The following KCNT2 variants were observed in gnomAD, a reference collection of about 807,000 sequenced individuals.
The protein encoded by KCNT2 is potassium channel subfamily T member 2.
A neutral mutation model predicts 153.8 loss-of-function variants in KCNT2; 67 were observed. The observed-to-expected ratio is 0.44, with a 90% CI of 0.36 to 0.53. KCNT2 has a LOEUF of 0.53. Ranked by LOEUF, KCNT2 falls within the 20% of genes least tolerant of loss-of-function variation. KCNT2 has a pLI of 0.00. For missense variants in KCNT2, 975 were observed against 1,354.8 expected (o/e 0.72, Z 4.40); for synonymous variants, 500 against 458.8 (o/e 1.09, Z -1.15).
At chr1:196,490,587 G>A (rs888959282) in intron 2 of KCNT2, among the ~76,000 whole-genome samples, 31 of 150,090 alleles carry the variant, frequency 2.1e-4, no homozygotes, top group Admixed American at 1.2e-3. Flanking sequence ...ACACACATAC[G>A]TTTAAAGTTC....
intron 1 of KCNT2, among the ~76,000 whole-genome samples, chr1:196,563,093 C>T (rs897648783): frequency 6.6e-6 from 1 of 151,936 alleles, no homozygotes; most frequent in Non-Finnish European, 1.5e-5. Flanking sequence ...AGTCTTTCCC[C>T]AAAATTGCCA....
intron 1 of KCNT2, among the ~76,000 whole-genome samples, chr1:196,534,874 A>G (rs943902646): frequency 6.6e-6 from 1 of 152,206 alleles, no homozygotes; most frequent in Non-Finnish European, 1.5e-5. Flanking sequence ...AATTCTCAGC[A>G]TCCTCAATTC....
intron 26 of KCNT2, among the ~76,000 whole-genome samples, chr1:196,250,643 G>A (rs1445634203): frequency 6.6e-6 from 1 of 152,032 alleles, no homozygotes; most frequent in Non-Finnish European, 1.5e-5. Flanking sequence ...AAGTTAAAAA[G>A]CTTATTCACA....
chr1:196,457,026 T>A (rs1676730917), intron 8 of KCNT2, among the ~76,000 whole-genome samples: 1 of 151,878 alleles, frequency 6.6e-6, no homozygotes, highest in Non-Finnish European at 1.5e-5. Flanking sequence ...GAGATCCCAA[T>A]CAAAAAGTGA....
intron 1 of KCNT2, among the ~76,000 whole-genome samples, chr1:196,569,064 C>A (rs1389694060): frequency 2.6e-5 from 4 of 152,052 alleles, no homozygotes. Context: ...GGATTTCCAT[C>A]CTTTTCTTGA....
At chr1:196,535,740 C>CG (rs1216625997) in intron 1 of KCNT2, among the ~76,000 whole-genome samples, 1 of 152,192 alleles carries the variant, frequency 6.6e-6, no homozygotes, top group Non-Finnish European at 1.5e-5. Context: ...CCGGCCTGTA[C>CG]GCAATCTGTG....
intron 27 of KCNT2, among the ~76,000 whole-genome samples, chr1:196,230,531 T>C (rs1653859211): frequency 6.6e-6 from 1 of 152,008 alleles, no homozygotes; most frequent in Non-Finnish European, 1.5e-5. Context: ...AAAGAGTAAT[T>C]TCAATGTTCA....
At chr1:196,240,108 C>T (rs371235333) in intron 26 of KCNT2, among the ~76,000 whole-genome samples, 8 of 151,958 alleles carry the variant, frequency 5.3e-5, no homozygotes, top group South Asian at 2.1e-4. Context: ...CCCTAGTACA[C>T]GAATATAACT....
At chr1:196,266,269 C>T (rs2147810135) in intron 25 of KCNT2, among the ~76,000 whole-genome samples, 1 of 152,108 alleles carries the variant, frequency 6.6e-6, no homozygotes, top group East Asian at 1.9e-4. Flanking sequence ...GAGGATTGAA[C>T]TATAGTTATC....
At chr1:196,336,031 A>C (rs558749876) in intron 16 of KCNT2, among the ~76,000 whole-genome samples, 1 of 152,246 alleles carries the variant, frequency 6.6e-6, no homozygotes, top group South Asian at 2.1e-4. Flanking sequence ...GACAAAATAG[A>C]ACCCTGCTTA....
rs559053731 is a variant in KCNT2, at chr1:196,425,999, C to T, written c.985-11G>A. The T allele has an allele frequency of 1.3e-5, 21 of 1,608,060 alleles. No homozygotes were observed. In the East Asian group the frequency reaches 4.7e-4, roughly 36 times the overall value. On this transcript the variant is annotated splice_polypyrimidine_tract_variant and intron_variant, in intron 10 of 27. Transcript: ENST00000294725. ...CACCACATAATAATCCTATTCAAAA[C>T]AAAATGGGCAATGGAATAGAAACAA...
At chr1:196,344,588 T>A (rs1665975153) in intron 14 of KCNT2, among the ~76,000 whole-genome samples, 1 of 151,980 alleles carries the variant, frequency 6.6e-6, no homozygotes, top group Non-Finnish European at 1.5e-5. Flanking sequence ...ATGTATGAGA[T>A]GGTGCTGGTA....
At chr1:196,252,493 A>T (rs921090499) in intron 26 of KCNT2, among the ~76,000 whole-genome samples, 1 of 151,756 alleles carries the variant, frequency 6.6e-6, no homozygotes, top group Non-Finnish European at 1.5e-5. Context: ...ACCATTTCAC[A>T]TGTAGTAGAA....
At chr1:196,314,133 C>T (rs535331501) in intron 21 of KCNT2, among the ~76,000 whole-genome samples, 1 of 151,442 alleles carries the variant, frequency 6.6e-6, no homozygotes, top group Admixed American at 6.6e-5. Flanking sequence ...TTATTATTTC[C>T]TTGGAATCAA....
intron 5 of KCNT2, among the ~76,000 whole-genome samples, chr1:196,470,907 T>G: frequency 7.5e-6 from 1 of 133,844 alleles, no homozygotes; most frequent in African/African-American, 2.8e-5. Context: ...TGAGACAGAG[T>G]CTCGCTCTGT....
At chr1:196,255,290 T>G (rs1257360044) in intron 26 of KCNT2, among the ~76,000 whole-genome samples, 1 of 151,816 alleles carries the variant, frequency 6.6e-6, no homozygotes, top group Non-Finnish European at 1.5e-5. Flanking sequence ...GGAAATACTT[T>G]ATTATCTTCA....
At chr1:196,289,090 G>A (rs972171242) in intron 22 of KCNT2, among the ~76,000 whole-genome samples, 1 of 151,856 alleles carries the variant, frequency 6.6e-6, no homozygotes, top group South Asian at 2.1e-4. Flanking sequence ...TACTTAAAAA[G>A]ATATTTTTAT....
At chr1:196,576,669 T>C (rs1355030580) in intron 1 of KCNT2, among the ~76,000 whole-genome samples, 1 of 152,122 alleles carries the variant, frequency 6.6e-6, no homozygotes, top group Non-Finnish European at 1.5e-5. Context: ...TTTCTTCTCA[T>C]CTGTACAAAC....
intron 26 of KCNT2, among the ~76,000 whole-genome samples, chr1:196,246,341 C>A (rs558432158): frequency 3.3e-5 from 5 of 152,220 alleles, no homozygotes; most frequent in Non-Finnish European, 7.4e-5. Flanking sequence ...TGAGAGATTT[C>A]ATCAACACCA....
Sources: gnomAD v4.1 joint callset for allele counts (sites outside exome capture counted in the v4.1 genomes callset) on GRCh38, gnomAD v4.1.1 for gene constraint, MANE v1.5 for transcripts, NCBI Gene and HGNC (gene_info 2026-07-23, HGNC 2026-07-21) for gene names.